The following NRXN1 variants were observed in gnomAD, a reference collection of about 807,000 sequenced individuals.
The protein encoded by NRXN1 is neurexin 1.
In NRXN1, 39 loss-of-function variants were observed where a neutral mutation model predicts 150.9. The ratio of observed to expected loss-of-function variants is 0.26; its 90% CI spans 0.20 to 0.34. NRXN1 has a LOEUF of 0.34. NRXN1 is among the 10% of genes least tolerant of loss of function. The pLI, the probability that NRXN1 is intolerant of heterozygous loss-of-function variation, is 1.00. For missense variants in NRXN1, 1,815 were observed against 1,949.9 expected (o/e 0.93, Z 1.30); for synonymous variants, 924 against 757.0 (o/e 1.22, Z -3.62).
chr2:50,176,832 C>A (rs943864213), intron 18 of NRXN1, among the ~76,000 whole-genome samples: 1 of 152,058 alleles, frequency 6.6e-6, no homozygotes, highest in African/African-American at 2.4e-5. Flanking sequence ...AACATTAAGG[C>A]TCTGTTTCCT....
chr2:50,947,134 G>C (rs993098032), intron 2 of NRXN1, among the ~76,000 whole-genome samples: 10 of 151,956 alleles, frequency 6.6e-5, no homozygotes, highest in Admixed American at 1.3e-4. Flanking sequence ...AAACATTTTT[G>C]TCCAGTCATG....
rs1015724740 is a variant in NRXN1, at chr2:50,780,736, A to G, written c.832+141133T>C. Among the ~76,000 whole-genome samples the G allele has an allele frequency of 5.9e-5, 9 of 152,274 alleles. No homozygotes were observed. In the East Asian group the frequency reaches 1.7e-3, roughly 29 times the overall value. Reference sequence around the variant, plus strand: ...TTTTCTTTGAATATTAATTATGTTGAACATTTAAAAATTTGTTTATTAACC... The same window carrying G: ...TTTTCTTTGAATATTAATTATGTTGGACATTTAAAAATTTGTTTATTAACC... On this transcript the variant is annotated intron_variant, in intron 5 of 22. Transcript: ENST00000401669.
intron 14 of NRXN1, 65 bp from the exon 15 acceptor site, chr2:50,496,160 A>G (rs932739543): frequency 2.3e-5 from 30 of 1,276,606 alleles, no homozygotes; most frequent in Non-Finnish European, 3.2e-5. Flanking sequence ...CCTAAAGTAG[A>G]TATTACAAAT....
chr2:50,196,589 T>C (rs905467151), intron 18 of NRXN1, among the ~76,000 whole-genome samples: 1 of 152,112 alleles, frequency 6.6e-6, no homozygotes, highest in Non-Finnish European at 1.5e-5. Context: ...TGACACAGTA[T>C]AAAACAGGCA....
At chr2:51,002,274 T>A (rs1270193182) in intron 2 of NRXN1, among the ~76,000 whole-genome samples, 1 of 151,972 alleles carries the variant, frequency 6.6e-6, no homozygotes, top group Non-Finnish European at 1.5e-5. Flanking sequence ...CCTATAAAGA[T>A]ATTTCCTAAG....
intron 21 of NRXN1, among the ~76,000 whole-genome samples, chr2:50,036,549 A>C (rs1690068060): frequency 3.9e-5 from 6 of 152,134 alleles, no homozygotes; most frequent in Admixed American, 3.9e-4. Context: ...TTGACTTTTT[A>C]ACTTTTTAGC....
chr2:50,156,675 G>C (rs73932957), intron 18 of NRXN1, among the ~76,000 whole-genome samples: 9,120 of 151,864 alleles, frequency 0.06, 991 homozygotes, highest in African/African-American at 0.21. Context: ...AGTTTCACAC[G>C]CCATGTTTTA....
intron 18 of NRXN1, among the ~76,000 whole-genome samples, chr2:50,167,509 C>T (rs535491646): frequency 8.6e-5 from 13 of 151,648 alleles, no homozygotes; most frequent in East Asian, 7.8e-4. Context: ...CAAGGATAAG[C>T]TCCAGTGAGA....
intron 21 of NRXN1, among the ~76,000 whole-genome samples, chr2:49,996,454 A>G (rs933319383): frequency 1.3e-5 from 2 of 152,210 alleles, no homozygotes; most frequent in African/African-American, 4.8e-5. Flanking sequence ...AAATCCATCT[A>G]CTTTCTAATC....
At position 50,255,616 on chromosome 2, in the gene NRXN1, G is replaced by C. The variant is rs1574774346; in HGVS notation, c.3365-18646C>G. ...CTTAAGCTCTGAAGTGAAAATGGTG[G>C]AGAAAAACCTATAAAACAGAAAGGA... On this transcript the variant is annotated intron_variant, in intron 17 of 22. Coordinates refer to ENST00000401669, the MANE Select transcript of NRXN1 (RefSeq NM_001330078.2). Among the ~76,000 whole-genome samples, 3 of 152,184 alleles carry C rather than the reference G, an allele frequency of 2.0e-5. No individual in the cohort carries two copies. The South Asian group carries it at 6.2e-4, about 32-fold the overall frequency.
chr2:50,147,302 A>T (rs1167732512), intron 18 of NRXN1, among the ~76,000 whole-genome samples: 1 of 151,784 alleles, frequency 6.6e-6, no homozygotes, highest in Non-Finnish European at 1.5e-5. Flanking sequence ...CCTAGGAGAG[A>T]AGGCATATGC....
intron 21 of NRXN1, among the ~76,000 whole-genome samples, chr2:49,969,489 A>C (rs192591723): frequency 6.6e-6 from 1 of 152,086 alleles, no homozygotes. Flanking sequence ...TCTGACAATA[A>C]AATGGTTTTG....
chr2:50,562,050 A>G (rs1294838658), intron 8 of NRXN1, among the ~76,000 whole-genome samples: 1 of 152,194 alleles, frequency 6.6e-6, no homozygotes, highest in Non-Finnish European at 1.5e-5. Context: ...GAAAAGTAGC[A>G]CTATTATTAT....
chr2:50,127,188 A>G (rs1704718992), intron 18 of NRXN1, among the ~76,000 whole-genome samples: 3 of 152,296 alleles, frequency 2.0e-5, no homozygotes, highest in Admixed American at 2.0e-4. Flanking sequence ...ACATACGACA[A>G]TAGTTGAATC....
chr2:50,832,815 G>A (rs547619383), intron 5 of NRXN1, among the ~76,000 whole-genome samples: 1 of 152,288 alleles, frequency 6.6e-6, no homozygotes, highest in South Asian at 2.1e-4. Flanking sequence ...CAGAGATATA[G>A]TGAGAAAGCA....
At chr2:50,773,479 T>C (rs939365953) in intron 5 of NRXN1, among the ~76,000 whole-genome samples, 3 of 152,150 alleles carry the variant, frequency 2.0e-5, no homozygotes, top group African/African-American at 7.2e-5. Flanking sequence ...CTGAAATAAA[T>C]GACCTGCACC....
chr2:50,128,487 TATAA>T, intron 18 of NRXN1, among the ~76,000 whole-genome samples: 1 of 152,232 alleles, frequency 6.6e-6, no homozygotes, highest in Non-Finnish European at 1.5e-5. Context: ...GAGTTTAAAT[TATAA>T]ATATTTACAG....
At chr2:50,601,673 CT>C (rs1676297796) in intron 8 of NRXN1, among the ~76,000 whole-genome samples, 1 of 152,198 alleles carries the variant, frequency 6.6e-6, no homozygotes, top group South Asian at 2.1e-4. Flanking sequence ...CCATTAAGGA[CT>C]GTTTTTAGTG....
At chr2:50,161,861 G>C (rs1476270025) in intron 18 of NRXN1, among the ~76,000 whole-genome samples, 6 of 152,104 alleles carry the variant, frequency 3.9e-5, no homozygotes, top group African/African-American at 1.4e-4. Flanking sequence ...AGGCAGGCAG[G>C]AAGGAAAGGA....
Sources: gnomAD v4.1 joint callset for allele counts (sites outside exome capture counted in the v4.1 genomes callset) on GRCh38, gnomAD v4.1.1 for gene constraint, MANE v1.5 for transcripts, NCBI Gene and HGNC (gene_info 2026-07-23, HGNC 2026-07-21) for gene names.